STK32C: variants seen among roughly 807,000 people sequenced by gnomAD.
The protein encoded by STK32C is serine/threonine-protein kinase 32C.
In STK32C, 31 loss-of-function variants were observed where a neutral mutation model predicts 56.5. The ratio of observed to expected loss-of-function variants is 0.55; its 90% CI spans 0.41 to 0.74. STK32C has a LOEUF of 0.74. STK32C is among the 30% of genes least tolerant of loss of function. STK32C has a pLI of 0.00. For synonymous variants in STK32C, 309 were observed against 289.4 expected (o/e 1.07, Z -0.69); for missense variants, 544 against 676.9 (o/e 0.80, Z 2.18).
chr10:132,238,201 C>A (rs906588261), intron 2 of STK32C, among the ~76,000 whole-genome samples: 2 of 152,184 alleles, frequency 1.3e-5, no homozygotes, highest in South Asian at 4.1e-4. Context: ...TGTGGTGCAG[C>A]AGCTGCTCTC....
At position 132,307,848 on chromosome 10, in the gene STK32C, G is replaced by A; in HGVS notation, c.-15C>T. On this transcript the variant is annotated 5_prime_UTR_variant, in exon 1 of 12. Transcript: ENST00000298630. This position sits in a 1 kb window ranked among gnomAD's most constrained non-coding sequence, Gnocchi z 4.4. ...CCACTCCTCATCGCCGGGTCTGGGT[G>A]CGCGCGGCAGCCGGAACTCGGGGCA... The A allele has an allele frequency of 8.8e-7, 1 of 1,142,770 alleles. No individual in the cohort carries two copies. Among genetic ancestry groups the A allele is most frequent in the Non-Finnish European group, 1.1e-6 (1 of 924,266 alleles). 70.8% of individuals were successfully genotyped at this position (1,142,770 alleles called of 1,614,324 possible).
rs1357354457 is a variant in STK32C at position 132,284,430 on chromosome 10, TGAGGTTGGGAGG to T, written c.262+23130_262+23141del. ...GGGCAGGTGAGGTTGGGGGGGCAGG[TGAGGTTGGGAGG>T]GCAGGTGAGGTTGGGAGGGCAGGTG... On this transcript the variant is annotated intron_variant, in intron 1 of 11. Transcript: ENST00000298630. Among the ~76,000 whole-genome samples, 5 of 44,616 alleles carry T rather than the reference TGAGGTTGGGAGG, an allele frequency of 1.1e-4. 2 individuals are homozygous for T. The highest frequency in any genetic ancestry group is 4.7e-4 in the African/African-American group (5 of 10,528). The allele number at this position is 44,616 out of a possible 152,430, so 29.3% of individuals were successfully genotyped here. A position where few individuals can be genotyped will look rare whatever the true frequency, so the allele number is the denominator to read the frequency against.
chr10:132,270,362 C>T (rs917632890), intron 1 of STK32C, among the ~76,000 whole-genome samples: 1 of 152,262 alleles, frequency 6.6e-6, no homozygotes, highest in African/African-American at 2.4e-5. Flanking sequence ...GGTGATACCA[C>T]AAGTGAAGCA....
chr10:132,223,328 C>T (rs1202424013), intron 8 of STK32C, among the ~76,000 whole-genome samples: 1 of 152,220 alleles, frequency 6.6e-6, no homozygotes, highest in Non-Finnish European at 1.5e-5. Context: ...CGGCACATGG[C>T]TGGCCTCACA....
chr10:132,283,354 G>C (rs2065275018), intron 1 of STK32C, among the ~76,000 whole-genome samples: 1 of 152,268 alleles, frequency 6.6e-6, no homozygotes, highest in Non-Finnish European at 1.5e-5. Context: ...GGAGCAAACA[G>C]GCTGTGAAGG....
At chr10:132,289,395 A>G (rs1260750436) in intron 1 of STK32C, among the ~76,000 whole-genome samples, 2 of 152,254 alleles carry the variant, frequency 1.3e-5, no homozygotes, top group East Asian at 1.9e-4. Flanking sequence ...AAGAAAACAC[A>G]GTGCATCTGT....
In STK32C at chr10:132,307,484, G is replaced by A; in HGVS notation, c.262+88C>T. ...CCCCGGGAAGCCGTCCCGGACACCGGGGGAACCCCTGCGGGAAAAAGCCGC... is the reference window on the plus strand; with the variant it reads ...CCCCGGGAAGCCGTCCCGGACACCGAGGGAACCCCTGCGGGAAAAAGCCGC... On this transcript the variant is annotated intron_variant, in intron 1 of 11. Coordinates refer to ENST00000298630, the MANE Select transcript of STK32C (RefSeq NM_173575.4). This position sits in a 1 kb window ranked among gnomAD's most constrained non-coding sequence, Gnocchi z 4.4. 3 of 1,408,876 alleles carry A rather than the reference G, an allele frequency of 2.1e-6. No homozygotes were observed. The highest frequency in any genetic ancestry group is 2.8e-6 in the Non-Finnish European group (3 of 1,069,228). 87.3% of individuals were successfully genotyped at this position (1,408,876 alleles called of 1,614,324 possible). A position where few individuals can be genotyped will look rare whatever the true frequency, so the allele number is the denominator to read the frequency against.
Position 132,307,855 on chromosome 10 carries a change from G to A in STK32C, c.-22C>T, listed in dbSNP as rs1220777955. The A allele has an allele frequency of 1.7e-6, 2 of 1,145,738 alleles. No individual in the cohort carries two copies. The highest frequency in any genetic ancestry group is 2.2e-6 in the Non-Finnish European group (2 of 925,842). The allele number at this position is 1,145,738 out of a possible 1,614,324, so 71.0% of individuals were successfully genotyped here. ...TCATCGCCGGGTCTGGGTGCGCGCG[G>A]CAGCCGGAACTCGGGGCATGGCCGG... On this transcript the variant is annotated 5_prime_UTR_variant, in exon 1 of 12. Transcript: ENST00000298630. This position sits in a 1 kb window ranked among gnomAD's most constrained non-coding sequence, Gnocchi z 4.4.
intron 1 of STK32C, among the ~76,000 whole-genome samples, chr10:132,329,976 G>A (rs2066607057): frequency 7.9e-6 from 1 of 126,026 alleles, no homozygotes; most frequent in Non-Finnish European, 1.8e-5. Context: ...GGTAGCAGCA[G>A]TCGCTGCCCG....
At chr10:132,224,179 GT>G (rs1380289040) in intron 8 of STK32C, among the ~76,000 whole-genome samples, 2 of 152,152 alleles carry the variant, frequency 1.3e-5, no homozygotes, top group Non-Finnish European at 2.9e-5. Context: ...CAGGACACCA[GT>G]GACCTGGTAG....
intron 1 of STK32C, among the ~76,000 whole-genome samples, chr10:132,298,312 G>T (rs2065814079): frequency 6.6e-6 from 1 of 152,220 alleles, no homozygotes; most frequent in African/African-American, 2.4e-5. Flanking sequence ...CCTCAAGAAG[G>T]CCCGGCATCT....
intron 1 of STK32C, among the ~76,000 whole-genome samples, chr10:132,280,992 C>T (rs2065181833): frequency 6.6e-6 from 1 of 150,482 alleles, no homozygotes; most frequent in South Asian, 2.1e-4. Flanking sequence ...CACGCCCCTG[C>T]ACTCCGTGAT....
At chr10:132,215,483 T>G (rs533346219) in intron 10 of STK32C, among the ~76,000 whole-genome samples, 1 of 144,690 alleles carries the variant, frequency 6.9e-6, no homozygotes, top group South Asian at 2.3e-4. Context: ...TCTCATGAGA[T>G]CTGATGGTTT....
At chr10:132,231,565 C>T (rs2063101628) in intron 2 of STK32C, among the ~76,000 whole-genome samples, 1 of 152,234 alleles carries the variant, frequency 6.6e-6, no homozygotes, top group Non-Finnish European at 1.5e-5. Context: ...TCCCTCACAG[C>T]AGGCCCGAGT....
At chr10:132,290,780 C>T (rs1371866609) in intron 1 of STK32C, among the ~76,000 whole-genome samples, 2 of 152,078 alleles carry the variant, frequency 1.3e-5, no homozygotes, top group African/African-American at 2.4e-5. Flanking sequence ...GCCATCATAC[C>T]CAAGGCCACC....
At chr10:132,209,622 G>C (rs867680808) in intron 10 of STK32C, among the ~76,000 whole-genome samples, 1 of 145,422 alleles carries the variant, frequency 6.9e-6, no homozygotes, top group Non-Finnish European at 1.5e-5. Flanking sequence ...GGGCAGGCAG[G>C]ACTACTTCCT....
downstream of STK32C, among the ~76,000 whole-genome samples, chr10:132,323,878 G>A (rs959787943): frequency 2.0e-5 from 3 of 152,162 alleles, no homozygotes; most frequent in African/African-American, 7.2e-5. The surrounding 1 kb of genome is among the most constrained non-coding windows in gnomAD (Gnocchi z 4.8). Context: ...TCATGACACA[G>A]AAGCGAAGTG....
At chr10:132,297,112 C>T (rs1433934048) in intron 1 of STK32C, among the ~76,000 whole-genome samples, 3 of 152,248 alleles carry the variant, frequency 2.0e-5, no homozygotes, top group Admixed American at 6.5e-5. Context: ...GGGCGGGTGA[C>T]AGTCACGGCT....
intron 11 of STK32C, 47 bp downstream of exon 11, chr10:132,208,987 T>C: frequency 6.3e-7 from 1 of 1,582,730 alleles, no homozygotes; most frequent in Non-Finnish European, 8.7e-7. Flanking sequence ...CTTAGCCCCA[T>C]TTTCCTCCTC....
Sources: gnomAD v4.1 joint callset for allele counts (sites outside exome capture counted in the v4.1 genomes callset) on GRCh38, gnomAD v4.1.1 for gene constraint, Gnocchi (gnomAD v3.1) non-coding constraint, MANE v1.5 for transcripts, NCBI Gene and HGNC (gene_info 2026-07-23, HGNC 2026-07-21) for gene names.